Variants in RTRAF observed in about 807,000 individuals in gnomAD.
RTRAF encodes tRNA-splicing ligase complex subunit RTRAF.
In RTRAF, 14 loss-of-function variants were observed where a neutral mutation model predicts 34.4. That is an observed-to-expected ratio of 0.41 (90% CI 0.27 to 0.64). RTRAF has a LOEUF of 0.64. Among genes scored for constraint, RTRAF ranks in the 30% least tolerant of loss-of-function variants. The pLI, the probability that RTRAF is intolerant of heterozygous loss-of-function variation, is 0.34. For missense variants in RTRAF, 291 were observed against 288.4 expected (o/e 1.01, Z -0.06); for synonymous variants, 96 against 95.3 (o/e 1.01, Z -0.04).
Position 52,004,510 on chromosome 14 carries a change from A to AAGAT in RTRAF, c.730_733dup (p.Ter245=). The AAGAT allele has an allele frequency of 6.2e-7, 1 of 1,612,898 alleles. No individual in the cohort carries two copies. Among genetic ancestry groups the AAGAT allele is most frequent in the Non-Finnish European group, 8.5e-7 (1 of 1,179,662 alleles). On this transcript the variant is annotated frameshift_variant, in exon 8 of 8. Coordinates refer to ENST00000261700, the MANE Select transcript of RTRAF (RefSeq NM_016039.3). LOFTEE classifies it high-confidence loss of function. Reference sequence around the variant, plus strand: ...CAGACCACAGACTGGGAAAAGTTGGAAGATGAACACTTGAGGACTTCAGCT... The same window carrying AAGAT: ...CAGACCACAGACTGGGAAAAGTTGGAAGATAGATGAACACTTGAGGACTTCAGCT...
chr14:51,993,545 A>G (rs1483767586), intron 2 of RTRAF, among the ~76,000 whole-genome samples, 178 bp from the exon 3 acceptor site: 1 of 152,156 alleles, frequency 6.6e-6, no homozygotes, highest in Non-Finnish European at 1.5e-5. Context: ...TTTTTTCTTA[A>G]GATGATACAC....
At position 52,004,501 on chromosome 14, in the gene RTRAF, A is replaced by C. The variant is rs1397228636; in HGVS notation, c.720A>C (p.Gly240=). 10 of 1,613,160 alleles carry C rather than the reference A, an allele frequency of 6.2e-6. No individual in the cohort carries two copies. Among genetic ancestry groups the C allele is most frequent in the Non-Finnish European group, 8.5e-6 (10 of 1,179,686 alleles). ...IADPKTDHRL[G]KVGR ...ATCCAAAGACAGACCACAGACTGGG[A>C]AAAGTTGGAAGATGAACACTTGAGG... Residue 240 remains glycine (G), a synonymous_variant, in exon 8 of 8, where the codon GGA becomes GGC. Transcript: ENST00000261700.
chr14:51,999,776 G>A lies in RTRAF; in HGVS notation c.442G>A (p.Asp148Asn). Residue 148 changes from aspartate to asparagine, a missense_variant, in exon 5 of 8, where the codon GAT becomes AAT. Physicochemically the swap from Asp to Asn is conservative, Grantham distance 23 (BLOSUM62 1). Transcript: ENST00000261700. ...ANLLQIQRHDDYLVMLKAIRI... is the reference protein window; with the variant it reads ...ANLLQIQRHDNYLVMLKAIRI... ...CCTGCTTCAGATTCAGCGTCATGATGATTACCTGGTAATGCTTAAGGTCAG... is the reference window on the plus strand; with the variant it reads ...CCTGCTTCAGATTCAGCGTCATGATAATTACCTGGTAATGCTTAAGGTCAG... 1 of 1,609,676 alleles carries A rather than the reference G, an allele frequency of 6.2e-7. No individual in the cohort carries two copies. The highest frequency in any genetic ancestry group is 8.5e-7 in the Non-Finnish European group (1 of 1,176,846).
Position 52,004,189 on chromosome 14 carries a change from T to TAA in RTRAF, c.532-3_532-2dup, listed in dbSNP as rs1429846592. On this transcript the variant is annotated splice_region_variant and splice_polypyrimidine_tract_variant and intron_variant, in intron 6 of 7. Coordinates refer to ENST00000261700, the MANE Select transcript of RTRAF (RefSeq NM_016039.3). ...TACTCTCATTTTGTCTTTCTTTTTT[T>TAA]AAAGGGCTTACCTGTTGCTTTAGAC... 5.6e-6 allele frequency: 9 copies of TAA among 1,609,712 alleles called. No individual in the cohort carries two copies. The highest frequency in any genetic ancestry group is 7.6e-6 in the Non-Finnish European group (9 of 1,177,534).
rs1394159029 is a variant in RTRAF, at chr14:52,004,787, A to ATATAGATCCTTAAGTCATAG, written c.*272_*291dup. 3 of 300,540 alleles carry ATATAGATCCTTAAGTCATAG rather than the reference A, an allele frequency of 1.0e-5. No homozygotes were observed. The East Asian group carries it at 1.7e-4, about 17-fold the overall frequency. The allele number at this position is 300,540 out of a possible 1,614,324, so 18.6% of individuals were successfully genotyped here. The stretch of plus-strand genomic sequence containing the variant: ...AACCCCCAGCTTTGTCCTAGAGACA[A>ATATAGATCCTTAAGTCATAG]TATAGATCCTTAAGTCATAGGAAAA... On this transcript the variant is annotated 3_prime_UTR_variant, in exon 8 of 8. Coordinates refer to ENST00000261700, the MANE Select transcript of RTRAF (RefSeq NM_016039.3).
At chr14:51,999,538 A>C (rs1890570161) in intron 4 of RTRAF, 170 bp from the exon 5 acceptor site, 1 of 509,044 alleles carries the variant, frequency 2.0e-6, no homozygotes, top group Non-Finnish European at 3.5e-6. Context: ...AATTTATTTA[A>C]TTGTTGATAG....
Position 52,005,679 on chromosome 14 carries a change from T to C in RTRAF, c.*1163T>C. The C allele has an allele frequency of 1.4e-6, 2 of 1,443,224 alleles. No individual in the cohort carries two copies. Among genetic ancestry groups the C allele is most frequent in the Non-Finnish European group, 2.0e-6 (2 of 1,025,078 alleles). 89.4% of individuals were successfully genotyped at this position (1,443,224 alleles called of 1,614,324 possible). ...AGGCAGCAGGGGTAATCAAATACCATATATATCCCTTCTCTACCCTGCTAA... is the reference window on the plus strand; with the variant it reads ...AGGCAGCAGGGGTAATCAAATACCACATATATCCCTTCTCTACCCTGCTAA... On this transcript the variant is annotated 3_prime_UTR_variant, in exon 8 of 8. Coordinates refer to ENST00000261700, the MANE Select transcript of RTRAF (RefSeq NM_016039.3).
chr14:52,001,977 C>G, intron 6 of RTRAF, 111 bp downstream of exon 6: 1 of 943,352 alleles, frequency 1.1e-6, no homozygotes, highest in Non-Finnish European at 1.6e-6. Context: ...CGTTCTACAA[C>G]TTAGAGAAAG....
At chr14:51,993,641 T>G (rs1257866091) in intron 2 of RTRAF, 82 bp from the exon 3 acceptor site, 1 of 795,654 alleles carries the variant, frequency 1.3e-6, no homozygotes, top group Non-Finnish European at 2.1e-6. Context: ...CAAACTAAGG[T>G]CTCTTTCAAC....
chr14:51,994,208 G>A (rs774351463), intron 3 of RTRAF, among the ~76,000 whole-genome samples: 1 of 152,104 alleles, frequency 6.6e-6, no homozygotes, highest in African/African-American at 2.4e-5. Context: ...ATACTCTATA[G>A]GCCAGAATAT....
chr14:52,004,881 G>C lies in RTRAF; in HGVS notation c.*365G>C, dbSNP rs1890695303. On this transcript the variant is annotated 3_prime_UTR_variant, in exon 8 of 8. Coordinates refer to ENST00000261700, the MANE Select transcript of RTRAF (RefSeq NM_016039.3). ...TTACATCTTTGGTATTTATAAATGT[G>C]ATACTTTACTTTCTGTGGGTACTTC... is the stretch of plus-strand genomic sequence containing the variant. 1.2e-5 allele frequency: 2 copies of C among 167,596 alleles called. No individual in the cohort carries two copies. The highest frequency in any genetic ancestry group is 4.8e-5 in the African/African-American group (2 of 41,978). 10.4% of individuals were successfully genotyped at this position (167,596 alleles called of 1,614,324 possible).
intron 7 of RTRAF, 41 bp from the exon 8 acceptor site, chr14:52,004,321 A>AGGCC (rs1258919189): frequency 1.2e-6 from 2 of 1,609,156 alleles, no homozygotes; most frequent in Non-Finnish European, 8.5e-7. Flanking sequence ...CTTAAATGTA[A>AGGCC]AAATTATGTA....
chr14:52,001,750 G>T, intron 5 of RTRAF, 48 bp from the exon 6 acceptor site: 1 of 1,463,646 alleles, frequency 6.8e-7, no homozygotes, highest in South Asian at 1.2e-5. Context: ...AAGAAAGGAT[G>T]ACAGGTACAC....
At chr14:51,992,758 C>T (rs945836333) in intron 2 of RTRAF, among the ~76,000 whole-genome samples, 1 of 152,110 alleles carries the variant, frequency 6.6e-6, no homozygotes, top group Non-Finnish European at 1.5e-5. Flanking sequence ...AGGCTGGGCA[C>T]GGTGGCTCAT....
chr14:51,989,605 C>T lies in RTRAF; in HGVS notation c.-35C>T, dbSNP rs752662472. On this transcript the variant is annotated 5_prime_UTR_variant, in exon 1 of 8. Coordinates refer to ENST00000261700, the MANE Select transcript of RTRAF (RefSeq NM_016039.3). ...TCCACCTCGCTTCTTCTCTCCCGGC[C>T]GAGGCCCGGGGGACCAGAGCGAGAA... 1.3e-5 allele frequency: 20 copies of T among 1,576,592 alleles called. No individual in the cohort carries two copies. The highest frequency in any genetic ancestry group is 4.8e-5 in the East Asian group (2 of 42,058).
rs1890741982 is a variant in RTRAF at position 52,005,582 on chromosome 14, A to ATAAACTAGGTAGATTT, written c.*1067_*1082dup. The ATAAACTAGGTAGATTT allele has an allele frequency of 4.0e-6, 6 of 1,510,556 alleles. No homozygotes were observed. In the East Asian group the frequency reaches 1.1e-4, roughly 28 times the overall value. The allele number at this position is 1,510,556 out of a possible 1,614,324, so 93.6% of individuals were successfully genotyped here. On this transcript the variant is annotated 3_prime_UTR_variant, in exon 8 of 8. Transcript: ENST00000261700. ...AACAGCAAGTCTTTGCATTTTGTGTATAAACTAGGTAGATTTAAGGTAGTA... is the reference window on the plus strand; with the variant it reads ...AACAGCAAGTCTTTGCATTTTGTGTATAAACTAGGTAGATTTTAAACTAGGTAGATTTAAGGTAGTA...
At position 52,005,803 on chromosome 14, in the gene RTRAF, C is replaced by G. The variant is rs181966229; in HGVS notation, c.*1287C>G. 159 of 1,613,898 alleles carry G rather than the reference C, an allele frequency of 9.9e-5. No homozygotes were observed. The highest frequency in any genetic ancestry group is 1.2e-4 in the Non-Finnish European group (147 of 1,179,778). On this transcript the variant is annotated 3_prime_UTR_variant, in exon 8 of 8. Transcript: ENST00000261700. ...TGAGATCGTTGTTCTGGGAGATACT[C>G]ATCAGTAAACTGGCCACTATGTTTA...
rs1026380623 is a variant in RTRAF, at chr14:52,004,495, A to G, written c.714A>G (p.Arg238=). ...TTGCTGATCCAAAGACAGACCACAG[A>G]CTGGGAAAAGTTGGAAGATGAACAC... ...AIIADPKTDH[R]LGKVGR The change falls in exon 8 of 8, where the codon AGA becomes AGG. Residue 238 remains arginine (R), a synonymous_variant. Coordinates refer to ENST00000261700, the MANE Select transcript of RTRAF (RefSeq NM_016039.3). 2 of 1,613,270 alleles carry G rather than the reference A, an allele frequency of 1.2e-6. No homozygotes were observed. The highest frequency in any genetic ancestry group is 2.7e-5 in the African/African-American group (2 of 74,850).
Position 52,006,644 on chromosome 14 carries a change from C to G in RTRAF, c.*2128C>G, listed in dbSNP as rs1890796297. On this transcript the variant is annotated 3_prime_UTR_variant, in exon 8 of 8. Coordinates refer to ENST00000261700, the MANE Select transcript of RTRAF (RefSeq NM_016039.3). ...GTCCAGTTCCATCAGGTAGTGTACA[C>G]TCCAGTTTTTTGGTTCCTTTTAAAA... The G allele has an allele frequency of 1.2e-6, 2 of 1,613,426 alleles. No individual in the cohort carries two copies. The highest frequency in any genetic ancestry group is 8.5e-7 in the Non-Finnish European group (1 of 1,179,602).
Sources: allele counts gnomAD v4.1 joint callset (sites outside exome capture counted in the v4.1 genomes callset), GRCh38; gene constraint gnomAD v4.1.1; transcripts MANE v1.5; gene names NCBI Gene and HGNC (gene_info 2026-07-23, HGNC 2026-07-21).